Variants in SUN3 observed in about 807,000 individuals in gnomAD.
SUN3 encodes the protein SUN domain-containing protein 3.
In SUN3, 36 loss-of-function variants were observed where a neutral mutation model predicts 48.2. The ratio of observed to expected loss-of-function variants is 0.75; its 90% confidence interval spans 0.57 to 0.99. SUN3 has a LOEUF of 0.99. Ranked by LOEUF, SUN3 falls within the 50% of genes least tolerant of loss-of-function variation. SUN3 has a pLI of 0.00. For missense variants in SUN3, 419 were observed against 433.1 expected, an observed-to-expected ratio of 0.97 and a Z score of 0.29; for synonymous variants, 148 against 147.9, an observed-to-expected ratio of 1.00 and a Z score of 0.00.
At chr7:48,026,061 G>A in intron 1 of SUN3, 123 bp from the exon 2 acceptor site, 1 of 663,532 alleles carries the variant, frequency 1.5e-6, no homozygotes, top group East Asian at 2.8e-5. Flanking sequence ...AATCTAGGTT[G>A]AGTCTATGAA....
intron 3 of SUN3, 135 bp downstream of exon 3, chr7:48,017,127 A>G: frequency 1.7e-6 from 1 of 595,522 alleles, no homozygotes; most frequent in Admixed American, 3.3e-5. Context: ...ACCACTTAAT[A>G]GAATTCCATT....
the SUN3 span, chr7:48,035,779 G>A: frequency 1.7e-6 from 1 of 583,682 alleles, no homozygotes; most frequent in East Asian, 3.0e-5. The surrounding 1 kb of genome is among the most constrained non-coding windows in gnomAD (Gnocchi z 4.0). Flanking sequence ...CACAGGGCGG[G>A]ATCTCCAAGC....
At chr7:48,007,683 A>G (rs1282522055) in intron 4 of SUN3, among the ~76,000 whole-genome samples, 1 of 152,212 alleles carries the variant, frequency 6.6e-6, no homozygotes, top group Non-Finnish European at 1.5e-5. Context: ...TTTCCGGTGT[A>G]GTACAGAGCA....
At chr7:48,004,362 C>G (rs1046990223) in intron 6 of SUN3, among the ~76,000 whole-genome samples, 3 of 152,212 alleles carry the variant, frequency 2.0e-5, no homozygotes, top group Non-Finnish European at 4.4e-5. Context: ...ATCAATCAAC[C>G]AAGAAATGTC....
intron 2 of SUN3, chr7:48,018,527 G>C (rs1168172536): frequency 6.5e-6 from 1 of 152,886 alleles, no homozygotes; most frequent in African/African-American, 2.4e-5. Context: ...GGGAGGCTGA[G>C]GCAGGAGAAA....
intron 2 of SUN3, among the ~76,000 whole-genome samples, chr7:48,024,200 G>C (rs1790074177): frequency 6.6e-6 from 1 of 152,114 alleles, no homozygotes; most frequent in Non-Finnish European, 1.5e-5. Flanking sequence ...GTGTATCAAA[G>C]AAAGTGCAAA....
chr7:48,007,100 T>C, intron 5 of SUN3, 65 bp downstream of exon 5: 1 of 1,504,458 alleles, frequency 6.6e-7, no homozygotes, highest in South Asian at 1.3e-5. Flanking sequence ...TCACTCCCCG[T>C]CACCCTGGAC....
chr7:48,031,832 G>GCACACACACACA (rs3073706), upstream of SUN3, among the ~76,000 whole-genome samples: 1,240 of 142,336 alleles, frequency 8.7e-3, 11 homozygotes, highest in African/African-American at 0.022. Flanking sequence ...TGTGATTTAT[G>GCACACACACACA]CACACACACA....
Position 48,026,920 on chromosome 7 carries a change from T to G in SUN3, c.123-982A>C, listed in dbSNP as rs114326855. Among the ~76,000 whole-genome samples, 734 of 152,290 alleles carry G rather than the reference T, an allele frequency of 4.8e-3. 7 individuals are homozygous for G. The highest frequency in any genetic ancestry group is 0.017 in the African/African-American group (690 of 41,556). Reference sequence around the variant, plus strand: ...AATTTCTGTTGTTTCAGCCACCCAGTCTGTGGTATTTATTATTGCAGCCCG... The same window carrying G: ...AATTTCTGTTGTTTCAGCCACCCAGGCTGTGGTATTTATTATTGCAGCCCG... On this transcript the variant is annotated intron_variant, in intron 1 of 9. Coordinates refer to ENST00000297325, the MANE Select transcript of SUN3 (RefSeq NM_001030019.2).
rs551052470 is a variant in SUN3, at chr7:48,014,535, T to C, written c.288+2727A>G. Among the ~76,000 whole-genome samples, 4 of 152,302 alleles carry C rather than the reference T, an allele frequency of 2.6e-5. No individual in the cohort carries two copies. The South Asian group carries it at 8.3e-4, about 32-fold the overall frequency. On this transcript the variant is annotated intron_variant, in intron 3 of 9. Coordinates refer to ENST00000297325, the MANE Select transcript of SUN3 (RefSeq NM_001030019.2). ...GTAAAAACTAGGATGCACCTACACC[T>C]GGATATTGTCACAGGTGGTTTGTGT... is the stretch of plus-strand genomic sequence containing the variant.
chr7:48,028,235 A>T (rs77129995), intron 1 of SUN3, among the ~76,000 whole-genome samples: 4,017 of 152,154 alleles, frequency 0.026, 174 homozygotes, highest in African/African-American at 0.092. Context: ...TTGTTTTCCC[A>T]GCAGGCAGCA....
intron 8 of SUN3, among the ~76,000 whole-genome samples, chr7:47,991,966 C>T (rs1789077253): frequency 6.6e-6 from 1 of 152,182 alleles, no homozygotes; most frequent in African/African-American, 2.4e-5. Flanking sequence ...CAGAACCGCC[C>T]ACAAGAGCAT....
intron 1 of SUN3, among the ~76,000 whole-genome samples, chr7:48,027,061 T>C (rs558409813): frequency 8.5e-5 from 13 of 152,276 alleles, no homozygotes; most frequent in African/African-American, 2.6e-4. Flanking sequence ...AGTAGGTTTG[T>C]CTGGGTTTGA....
the SUN3 span, among the ~76,000 whole-genome samples, chr7:48,034,423 C>T: frequency 4.0e-3 from 606 of 151,798 alleles, 6 homozygotes; most frequent in Middle Eastern, 0.024. Flanking sequence ...AAATACCCAC[C>T]ATTATGAAAA....
intron 2 of SUN3, among the ~76,000 whole-genome samples, chr7:48,024,144 T>C (rs1317254083): frequency 4.6e-5 from 7 of 152,290 alleles, no homozygotes; most frequent in South Asian, 4.1e-4. Flanking sequence ...TAAAAAGGTT[T>C]GGCAATGGAT....
intron 2 of SUN3, among the ~76,000 whole-genome samples, chr7:48,022,675 C>T (rs1307859448): frequency 6.6e-6 from 1 of 151,982 alleles, no homozygotes; most frequent in Admixed American, 6.6e-5. Flanking sequence ...ACTCAACAAA[C>T]TTCAAGTAAG....
At position 47,989,122 on chromosome 7, in the gene SUN3, A is replaced by T. The variant is rs559862412; in HGVS notation, c.862-242T>A. On this transcript the variant is annotated intron_variant, in intron 8 of 9. Transcript: ENST00000297325. ...GACACACAGACAGATAGATAGATAGATAGAGAGCTAGATAGATAGATCCAT... is the reference window on the plus strand; with the variant it reads ...GACACACAGACAGATAGATAGATAGTTAGAGAGCTAGATAGATAGATCCAT... Among the ~76,000 whole-genome samples, 14 of 152,324 alleles carry T rather than the reference A, an allele frequency of 9.2e-5. No individual in the cohort carries two copies. The South Asian group carries it at 2.9e-3, about 32-fold the overall frequency.
chr7:48,015,675 T>C (rs2128780174), intron 3 of SUN3, among the ~76,000 whole-genome samples: 1 of 152,314 alleles, frequency 6.6e-6, no homozygotes, highest in East Asian at 1.9e-4. Flanking sequence ...AATATGTCTG[T>C]CCATCTTCCC....
At chr7:48,035,885 G>T in the SUN3 span, among the ~76,000 whole-genome samples, 1 of 151,678 alleles carries the variant, frequency 6.6e-6, no homozygotes, top group Non-Finnish European at 1.5e-5. This position sits in a 1 kb window ranked among gnomAD's most constrained non-coding sequence, Gnocchi z 4.0. Context: ...GATACCCGGC[G>T]TGACGTGCCC....
Sources: allele counts gnomAD v4.1 joint callset (sites outside exome capture counted in the v4.1 genomes callset), GRCh38; gene constraint gnomAD v4.1.1; non-coding constraint Gnocchi (gnomAD v3.1); transcripts MANE v1.5; gene names NCBI Gene and HGNC (gene_info 2026-07-23, HGNC 2026-07-21).